ZNF385D: variants seen among roughly 807,000 people sequenced by gnomAD.
ZNF385D encodes the protein zinc finger protein 385D.
A neutral mutation model predicts 35.8 loss-of-function variants in ZNF385D; 15 were observed. The observed-to-expected ratio is 0.42, with a 90% CI of 0.28 to 0.64. The LOEUF (loss-of-function observed/expected upper bound fraction) is 0.64, where lower values mean the gene tolerates loss of function less well. Among genes scored for constraint, ZNF385D ranks in the 30% least tolerant of loss-of-function variants. The probability of loss-of-function intolerance (pLI) is 0.23; values close to 1 mark genes in which losing one functional copy is unlikely to be tolerated. For missense variants in ZNF385D, 474 were observed against 494.6 expected (o/e 0.96, Z 0.39); for synonymous variants, 212 against 186.8 (o/e 1.13, Z -1.10).
chr3:21,711,301 A>C (rs1258861139), intron 1 of ZNF385D, among the ~76,000 whole-genome samples: 1 of 151,978 alleles, frequency 6.6e-6, no homozygotes, highest in Non-Finnish European at 1.5e-5. Context: ...TCGGCCTCCC[A>C]AAGTGCTGGG....
chr3:21,825,242 T>C (rs1694525438), intron 3 of ZNF385D, among the ~76,000 whole-genome samples: 1 of 152,216 alleles, frequency 6.6e-6, no homozygotes, highest in South Asian at 2.1e-4. Context: ...GGACTTGAGA[T>C]CCAGGTGAAA....
chr3:21,989,681 A>T lies in ZNF385D; in HGVS notation c.325+179136T>A, dbSNP rs1283511554. ...ATGTTTTCTTTCCACAATAATAATA[A>T]AAAAAAAAGGACAGCCAAACCATCC... On this transcript the variant is annotated intron_variant, in intron 3 of 5. Transcript: ENST00000494108. 7.7e-5 allele frequency among the ~76,000 whole-genome samples: 6 copies of T among 77,998 alleles called. No individual in the cohort carries two copies. In the East Asian group the frequency reaches 1.5e-3, roughly 20 times the overall value. 51.2% of individuals were successfully genotyped at this position (77,998 alleles called of 152,430 possible). A position where few individuals can be genotyped will look rare whatever the true frequency, so the allele number is the denominator to read the frequency against.
rs944742127 is a variant in ZNF385D at position 21,929,757 on chromosome 3, A to C, written c.325+239060T>G. On this transcript the variant is annotated intron_variant, in intron 3 of 5. Transcript: ENST00000494108. ...GAATAACTTTAACAAAAGAGGGGCA[A>C]TATTTTTGTACTGAAAACTACAAAT... is the stretch of plus-strand genomic sequence containing the variant. Among the ~76,000 whole-genome samples, 7 of 152,194 alleles carry C rather than the reference A, an allele frequency of 4.6e-5. No individual in the cohort carries two copies. The East Asian group carries it at 1.3e-3, about 29-fold the overall frequency.
intron 3 of ZNF385D, among the ~76,000 whole-genome samples, chr3:21,998,563 T>C: frequency 6.6e-6 from 1 of 152,222 alleles, no homozygotes. Flanking sequence ...GCAGATATCT[T>C]TAACTATTGT....
At chr3:21,594,800 G>C (rs986132007) in intron 2 of ZNF385D, among the ~76,000 whole-genome samples, 3 of 152,046 alleles carry the variant, frequency 2.0e-5, no homozygotes, top group Non-Finnish European at 4.4e-5. Context: ...TGCTGGCCAT[G>C]ACCCATAAAC....
chr3:21,741,653 G>T (rs1338670660), intron 1 of ZNF385D, among the ~76,000 whole-genome samples: 1 of 151,554 alleles, frequency 6.6e-6, no homozygotes, highest in Non-Finnish European at 1.5e-5. Flanking sequence ...TAAATAGTAG[G>T]TCCATTCAGC....
chr3:21,626,821 G>A (rs1176420325), intron 2 of ZNF385D, among the ~76,000 whole-genome samples: 3 of 151,966 alleles, frequency 2.0e-5, no homozygotes, highest in Non-Finnish European at 4.4e-5. Flanking sequence ...AAGAGCAGCA[G>A]GCAAGTGTGT....
intron 3 of ZNF385D, among the ~76,000 whole-genome samples, chr3:21,516,165 C>A (rs909595448): frequency 6.6e-6 from 1 of 152,184 alleles, no homozygotes; most frequent in Non-Finnish European, 1.5e-5. Flanking sequence ...AAAACACCAA[C>A]CTCAGAGTCT....
chr3:22,127,500 C>A (rs1035410353), intron 3 of ZNF385D, among the ~76,000 whole-genome samples: 5 of 151,564 alleles, frequency 3.3e-5, no homozygotes, highest in African/African-American at 9.7e-5. Flanking sequence ...CCACCACACC[C>A]AGTTAATTTT....
At chr3:21,621,336 T>G (rs1464829411) in intron 2 of ZNF385D, among the ~76,000 whole-genome samples, 1 of 152,120 alleles carries the variant, frequency 6.6e-6, no homozygotes, top group Non-Finnish European at 1.5e-5. Flanking sequence ...TGGCAATCTT[T>G]AGATCTATCA....
chr3:21,725,474 G>C (rs762217468), intron 1 of ZNF385D, among the ~76,000 whole-genome samples: 2 of 151,988 alleles, frequency 1.3e-5, no homozygotes, highest in Non-Finnish European at 2.9e-5. Context: ...GAATCAAATA[G>C]ATGCAATAAA....
At chr3:21,843,818 G>C (rs1695829376) in intron 3 of ZNF385D, among the ~76,000 whole-genome samples, 1 of 151,928 alleles carries the variant, frequency 6.6e-6, no homozygotes. Context: ...CCAGGTGGTA[G>C]CATGGTATCT....
intron 2 of ZNF385D, among the ~76,000 whole-genome samples, chr3:21,662,103 C>T (rs1451026267): frequency 6.6e-6 from 1 of 152,046 alleles, no homozygotes; most frequent in Non-Finnish European, 1.5e-5. Flanking sequence ...TTATAAAGGT[C>T]ATATGGGTAA....
chr3:22,209,670 G>T (rs1353261741), intron 2 of ZNF385D, among the ~76,000 whole-genome samples: 1 of 151,584 alleles, frequency 6.6e-6, no homozygotes, highest in Non-Finnish European at 1.5e-5. Context: ...ATTTTTGAAA[G>T]CTTTAACAAC....
chr3:21,793,665 A>G (rs779836484), intron 3 of ZNF385D, among the ~76,000 whole-genome samples: 8 of 152,236 alleles, frequency 5.3e-5, no homozygotes, highest in Non-Finnish European at 8.8e-5. Context: ...CAAGTTGTAA[A>G]GCGATGGGAG....
chr3:21,515,978 A>G (rs376077472), intron 3 of ZNF385D, among the ~76,000 whole-genome samples: 233 of 152,282 alleles, frequency 1.5e-3, no homozygotes, highest in African/African-American at 5.4e-3. Context: ...TGTTTTTCAG[A>G]CTTTTTCATT....
At chr3:22,168,906 G>A in exon 3 of ZNF385D, 1 of 985,822 alleles carries the variant, frequency 1.0e-6, no homozygotes, top group Non-Finnish European at 1.2e-6. Context: ...TTGAGCGGCT[G>A]AATTCAGCTG....
At chr3:22,107,643 T>C (rs1462964338) in intron 3 of ZNF385D, among the ~76,000 whole-genome samples, 2 of 152,074 alleles carry the variant, frequency 1.3e-5, no homozygotes, top group Non-Finnish European at 2.9e-5. Context: ...TACAAAAATA[T>C]GCATTAAAAT....
intron 2 of ZNF385D, among the ~76,000 whole-genome samples, chr3:22,220,533 C>G (rs563982408): frequency 2.0e-5 from 3 of 152,140 alleles, no homozygotes; most frequent in Non-Finnish European, 4.4e-5. Context: ...ATCTGAATCT[C>G]TCTGATTTTC....
Sources: allele counts gnomAD v4.1 joint callset (sites outside exome capture counted in the v4.1 genomes callset), GRCh38; gene constraint gnomAD v4.1.1; transcripts MANE v1.5; gene names NCBI Gene and HGNC (gene_info 2026-07-23, HGNC 2026-07-21).